The following PPA2 variants were observed in gnomAD, a reference collection of about 807,000 sequenced individuals.
PPA2 encodes inorganic pyrophosphatase 2.
A neutral mutation model predicts 49.5 loss-of-function variants in PPA2; 48 were observed. The observed-to-expected ratio is 0.97, with a 90% CI of 0.77 to 1.23. PPA2 has a LOEUF of 1.23. Ranked by LOEUF, PPA2 falls within the 50% of genes most tolerant of loss-of-function variation. The probability of loss-of-function intolerance (pLI) is 0.00; values close to 1 mark genes in which losing one functional copy is unlikely to be tolerated. For synonymous variants in PPA2, 131 were observed against 139.9 expected (o/e 0.94, Z 0.45); for missense variants, 429 against 410.1 (o/e 1.05, Z -0.40).
intron 4 of PPA2, 60 bp from the exon 5 acceptor site, chr4:105,446,562 C>T: frequency 6.7e-7 from 1 of 1,501,126 alleles, no homozygotes; most frequent in African/African-American, 1.4e-5. Context: ...ATTCTATGTC[C>T]AAATAGTACT....
At position 105,438,052 on chromosome 4, in the gene PPA2, T is replaced by A. The variant is rs2713862; in HGVS notation, c.442-16A>T. Reference sequence around the variant, plus strand: ...CTTCCCAAGTCTAAAATTTTTTTTTTAAAAAAAAGCAGAAATGTAAGTTAA... The same window carrying A: ...CTTCCCAAGTCTAAAATTTTTTTTTAAAAAAAAAGCAGAAATGTAAGTTAA... On this transcript the variant is annotated splice_polypyrimidine_tract_variant and intron_variant, in intron 5 of 11. Transcript: ENST00000341695. 0.44 allele frequency: 653,594 copies of A among 1,495,308 alleles called. 144,270 individuals are homozygous for A. Among genetic ancestry groups the A allele is most frequent in the East Asian group, 0.69 (29,680 of 43,046 alleles). The allele number at this position is 1,495,308 out of a possible 1,614,324, so 92.6% of individuals were successfully genotyped here. A position where few individuals can be genotyped will look rare whatever the true frequency, so the allele number is the denominator to read the frequency against.
chr4:105,401,608 C>T (rs1056146544), intron 7 of PPA2, among the ~76,000 whole-genome samples: 1 of 152,070 alleles, frequency 6.6e-6, no homozygotes, highest in Non-Finnish European at 1.5e-5. Context: ...AGAAAAGTGG[C>T]AGTTCTCTAG....
intron 9 of PPA2, among the ~76,000 whole-genome samples, chr4:105,392,960 G>C (rs2713853): frequency 6.6e-6 from 1 of 151,934 alleles, no homozygotes; most frequent in East Asian, 1.9e-4. Context: ...TAGAGAAGAC[G>C]AAGTAAAAAT....
intron 1 of PPA2, among the ~76,000 whole-genome samples, chr4:105,463,094 C>A (rs112957371): frequency 3.3e-5 from 5 of 152,048 alleles, no homozygotes; most frequent in African/African-American, 1.2e-4. Flanking sequence ...TTGGAACAGT[C>A]TGGAGGGCTC....
At chr4:105,457,328 T>A (rs1722913496) in intron 1 of PPA2, among the ~76,000 whole-genome samples, 2 of 152,246 alleles carry the variant, frequency 1.3e-5, no homozygotes, top group Admixed American at 6.5e-5. Flanking sequence ...GTATTTTAAA[T>A]ACTTTCAATA....
intron 3 of PPA2, among the ~76,000 whole-genome samples, chr4:105,452,837 G>A (rs1296019203): frequency 1.3e-5 from 2 of 151,928 alleles, no homozygotes; most frequent in African/African-American, 2.4e-5. Flanking sequence ...ACTATTAAAG[G>A]TTTGACAGCC....
At chr4:105,398,863 A>G in intron 8 of PPA2, 174 bp downstream of exon 8, 1 of 547,354 alleles carries the variant, frequency 1.8e-6, no homozygotes. Context: ...ATTCACTTAG[A>G]TCTTCTGAAA....
At chr4:105,402,523 T>C (rs1425280240) in intron 7 of PPA2, among the ~76,000 whole-genome samples, 1 of 152,128 alleles carries the variant, frequency 6.6e-6, no homozygotes, top group Non-Finnish European at 1.5e-5. Flanking sequence ...GGTGTGCTTT[T>C]AACATTTCAG....
intron 7 of PPA2, among the ~76,000 whole-genome samples, chr4:105,408,656 T>A (rs778338635): frequency 2.0e-5 from 3 of 152,204 alleles, no homozygotes; most frequent in Non-Finnish European, 4.4e-5. Context: ...AAGTTTAGAA[T>A]GTATATATGA....
intron 1 of PPA2, chr4:105,473,334 G>A: frequency 3.5e-6 from 1 of 283,124 alleles, no homozygotes; most frequent in Non-Finnish European, 7.0e-6. Context: ...GTAAACTTGT[G>A]CGTACCAAGT....
chr4:105,438,610 C>A (rs1325496277), intron 5 of PPA2, among the ~76,000 whole-genome samples: 1 of 152,166 alleles, frequency 6.6e-6, no homozygotes, highest in African/African-American at 2.4e-5. Flanking sequence ...GACATCAATT[C>A]TTTAGTTTAC....
chr4:105,403,057 C>A (rs947267578), intron 7 of PPA2, among the ~76,000 whole-genome samples: 3 of 151,774 alleles, frequency 2.0e-5, no homozygotes, highest in African/African-American at 7.3e-5. Flanking sequence ...CAGTGTCTTG[C>A]TCTGTCACAT....
At chr4:105,376,647 G>A (rs1406697300) in intron 10 of PPA2, among the ~76,000 whole-genome samples, 1 of 152,164 alleles carries the variant, frequency 6.6e-6, no homozygotes, top group South Asian at 2.1e-4. Context: ...ACTACTATGA[G>A]CTAGAGGTTC....
chr4:105,372,627 C>T (rs1444155684), intron 10 of PPA2, among the ~76,000 whole-genome samples: 4 of 152,162 alleles, frequency 2.6e-5, no homozygotes, highest in African/African-American at 9.7e-5. Context: ...GGGAATTCTC[C>T]AGGAGACAGC....
At chr4:105,436,362 A>G (rs79678064) in intron 6 of PPA2, among the ~76,000 whole-genome samples, 2,104 of 152,278 alleles carry the variant, frequency 0.014, 49 homozygotes, top group African/African-American at 0.046. Flanking sequence ...GGATTGGAAG[A>G]ATCAATATTG....
At chr4:105,387,366 CT>C (rs1320720255) in intron 9 of PPA2, among the ~76,000 whole-genome samples, 1 of 152,040 alleles carries the variant, frequency 6.6e-6, no homozygotes, top group African/African-American at 2.4e-5. Flanking sequence ...GCCAAATTAA[CT>C]TTTTTAAATA....
chr4:105,450,374 C>A (rs1722612836), intron 3 of PPA2, among the ~76,000 whole-genome samples: 1 of 151,118 alleles, frequency 6.6e-6, no homozygotes, highest in African/African-American at 2.4e-5. Flanking sequence ...ATTACACTTT[C>A]CTTTTTTTTT....
At chr4:105,465,613 C>T (rs1028633796) in intron 1 of PPA2, among the ~76,000 whole-genome samples, 3 of 152,170 alleles carry the variant, frequency 2.0e-5, no homozygotes, top group African/African-American at 4.8e-5. Flanking sequence ...TCTAAAATGT[C>T]TTTACTCTGT....
chr4:105,371,301 T>G (rs1733017993), intron 10 of PPA2, among the ~76,000 whole-genome samples: 1 of 152,212 alleles, frequency 6.6e-6, no homozygotes, highest in Admixed American at 6.5e-5. Context: ...TAAATTATTG[T>G]TTCTATTTAT....
Sources: gnomAD v4.1 joint callset for allele counts (sites outside exome capture counted in the v4.1 genomes callset) on GRCh38, gnomAD v4.1.1 for gene constraint, MANE v1.5 for transcripts, NCBI Gene and HGNC (gene_info 2026-07-23, HGNC 2026-07-21) for gene names.